GABRA1: variants seen among roughly 807,000 people sequenced by gnomAD.
The protein encoded by GABRA1 is gamma-aminobutyric acid receptor subunit alpha-1.
In GABRA1, 9 loss-of-function variants were observed where a neutral mutation model predicts 48.9. The observed-to-expected ratio is 0.18, with a 90% CI of 0.11 to 0.32. The LOEUF is 0.32. Ranked by LOEUF, GABRA1 falls within the 10% of genes least tolerant of loss-of-function variation. The pLI is 1.00. For synonymous variants in GABRA1, 210 were observed against 198.7 expected (o/e 1.06, Z -0.48); for missense variants, 285 against 553.8 (o/e 0.51, Z 4.87).
At chr5:161,890,522 G>C (rs1755041302) in intron 7 of GABRA1, among the ~76,000 whole-genome samples, 1 of 152,022 alleles carries the variant, frequency 6.6e-6, no homozygotes, top group South Asian at 2.1e-4. Flanking sequence ...ACACACTGGA[G>C]ATCTGATCTG....
chr5:161,855,671 C>A (rs574618761), intron 3 of GABRA1, among the ~76,000 whole-genome samples: 2 of 150,792 alleles, frequency 1.3e-5, no homozygotes, highest in East Asian at 3.9e-4. Flanking sequence ...ATAAAATTTG[C>A]GATAAATTAC....
intron 7 of GABRA1, among the ~76,000 whole-genome samples, chr5:161,888,640 A>G (rs1740248856): frequency 6.6e-6 from 1 of 152,094 alleles, no homozygotes. Context: ...ATGAATTGTT[A>G]GGAATAATAA....
intron 4 of GABRA1, among the ~76,000 whole-genome samples, chr5:161,870,359 T>C (rs943043170): frequency 1.4e-4 from 22 of 151,856 alleles, no homozygotes; most frequent in African/African-American, 5.3e-4. Context: ...GTCAGGAGTT[T>C]GAGACCAGCC....
chr5:161,889,481 T>C (rs1754992431), intron 7 of GABRA1, among the ~76,000 whole-genome samples: 1 of 152,042 alleles, frequency 6.6e-6, no homozygotes, highest in Non-Finnish European at 1.5e-5. Context: ...TTTTCTTCCA[T>C]AGGACAATAA....
chr5:161,892,897 G>T (rs201910823), intron 8 of GABRA1, among the ~76,000 whole-genome samples: 1 of 151,510 alleles, frequency 6.6e-6, no homozygotes, highest in East Asian at 1.9e-4. Flanking sequence ...TCAGCTACTC[G>T]GGAGGCTGAG....
rs537393193 is a variant in GABRA1, at chr5:161,878,702, C to T, written c.559+3060C>T. Among the ~76,000 whole-genome samples, 120 of 152,190 alleles carry T rather than the reference C, an allele frequency of 7.9e-4. 1 individual carries two copies. Among genetic ancestry groups the T allele is most frequent in the African/African-American group, 2.8e-3 (116 of 41,528 alleles). On this transcript the variant is annotated intron_variant, in intron 6 of 9. Transcript: ENST00000393943. The stretch of plus-strand genomic sequence containing the variant: ...AGTCAGCTAACCCGAGGGCAATGTG[C>T]ATGATACAACTGTGATCGTTTCACT...
intron 4 of GABRA1, chr5:161,872,362 T>A (rs1754156695): frequency 6.6e-6 from 1 of 152,624 alleles, no homozygotes; most frequent in Non-Finnish European, 1.5e-5. Flanking sequence ...AATAAATAGA[T>A]TCCCTGGCTG....
intron 5 of GABRA1, among the ~76,000 whole-genome samples, chr5:161,873,805 T>C (rs1453507065): frequency 6.6e-6 from 1 of 152,180 alleles, no homozygotes; most frequent in African/African-American, 2.4e-5. Flanking sequence ...ATGGCGTTGA[T>C]AGCTAGACGA....
At chr5:161,849,020 T>C in intron 1 of GABRA1, 2 of 455,138 alleles carry the variant, frequency 4.4e-6, no homozygotes, top group Non-Finnish European at 8.8e-6. Flanking sequence ...GTCTTTGATA[T>C]GGATGGCATG....
chr5:161,847,615 C>G (rs1219121274), upstream of GABRA1: 1 of 152,162 alleles, frequency 6.6e-6, no homozygotes, highest in African/African-American at 2.4e-5. Context: ...TCCTACCATC[C>G]GTCACCATTC....
At chr5:161,895,614 G>A in intron 8 of GABRA1, 52 bp from the exon 9 acceptor site, 1 of 1,504,886 alleles carries the variant, frequency 6.6e-7, no homozygotes, top group Admixed American at 1.8e-5. Context: ...CCATCATGAT[G>A]AAATTTCACA....
chr5:161,874,098 G>GT (rs138377315), intron 5 of GABRA1, among the ~76,000 whole-genome samples: 2,900 of 152,182 alleles, frequency 0.019, 113 homozygotes, highest in African/African-American at 0.066. Context: ...TTAGATACGA[G>GT]TTTTTTACAT....
chr5:161,892,253 A>G (rs1755125278), intron 8 of GABRA1, among the ~76,000 whole-genome samples: 1 of 152,198 alleles, frequency 6.6e-6, no homozygotes, highest in Non-Finnish European at 1.5e-5. Flanking sequence ...TGCTGTTTTT[A>G]AGAGCTGTGC....
chr5:161,853,900 A>G (rs922359548), intron 2 of GABRA1, among the ~76,000 whole-genome samples: 1 of 151,884 alleles, frequency 6.6e-6, no homozygotes, highest in Non-Finnish European at 1.5e-5. Context: ...CGTAATAAAC[A>G]TGATAAGAAT....
chr5:161,879,941 A>G (rs1561578785), intron 6 of GABRA1, among the ~76,000 whole-genome samples: 1 of 152,230 alleles, frequency 6.6e-6, no homozygotes, highest in Non-Finnish European at 1.5e-5. Context: ...TGCTAACAGC[A>G]GTGCAATATA....
At chr5:161,895,543 T>C in intron 8 of GABRA1, 123 bp from the exon 9 acceptor site, 3 of 863,910 alleles carry the variant, frequency 3.5e-6, no homozygotes, top group South Asian at 2.9e-5. Context: ...CAAAATAAGA[T>C]GGTCTAGAAA....
At chr5:161,882,887 C>G (rs915443405) in intron 7 of GABRA1, among the ~76,000 whole-genome samples, 186 bp downstream of exon 7, 8 of 152,128 alleles carry the variant, frequency 5.3e-5, no homozygotes, top group Admixed American at 1.3e-4. Context: ...TTTAATGCCT[C>G]TTGGCCTCTG....
At chr5:161,875,506 T>A in intron 5 of GABRA1, 54 bp from the exon 6 acceptor site, 1 of 1,364,874 alleles carries the variant, frequency 7.3e-7, no homozygotes. Flanking sequence ...CTTGTACTTA[T>A]CAAGAAGTAT....
At chr5:161,863,176 T>C (rs1382569715) in intron 3 of GABRA1, among the ~76,000 whole-genome samples, 4 of 151,926 alleles carry the variant, frequency 2.6e-5, no homozygotes, top group Non-Finnish European at 5.9e-5. Flanking sequence ...TATATACACA[T>C]ATACAGTGTG....
Sources: gnomAD v4.1 joint callset for allele counts (sites outside exome capture counted in the v4.1 genomes callset) on GRCh38, gnomAD v4.1.1 for gene constraint, MANE v1.5 for transcripts, NCBI Gene and HGNC (gene_info 2026-07-23, HGNC 2026-07-21) for gene names.